IL1RAPL2: variants seen among roughly 807,000 people sequenced by gnomAD.
The protein encoded by IL1RAPL2 is X-linked interleukin-1 receptor accessory protein-like 2.
A neutral mutation model predicts 44.1 loss-of-function variants in IL1RAPL2; 3 were observed. The observed-to-expected ratio is 0.07, with a 90% CI of 0.03 to 0.18. The LOEUF (loss-of-function observed/expected upper bound fraction) is 0.18. Ranked by LOEUF, IL1RAPL2 falls within the 10% of genes least tolerant of loss-of-function variation. IL1RAPL2 has a pLI of 1.00. For missense variants in IL1RAPL2, 391 were observed against 496.4 expected (o/e 0.79, Z 2.02); for synonymous variants, 181 against 178.8 (o/e 1.01, Z -0.10).
chrX:105,734,939 G>C (rs932242177), intron 7 of IL1RAPL2, among the ~76,000 whole-genome samples: 4 of 111,285 alleles, frequency 3.6e-5, no homozygotes, highest in African/African-American at 9.8e-5. Context: ...CATTATAAGT[G>C]TTTGTGGTGG....
chrX:105,376,086 G>T (rs1017950984), intron 5 of IL1RAPL2, among the ~76,000 whole-genome samples: 77 of 111,849 alleles, frequency 6.9e-4, no homozygotes, highest in African/African-American at 2.4e-3. Context: ...GGGCAACGAA[G>T]ATTAGATGAT....
At chrX:104,728,146 A>G (rs1184430855) in intron 2 of IL1RAPL2, among the ~76,000 whole-genome samples, 2 of 111,643 alleles carry the variant, frequency 1.8e-5, no homozygotes, top group African/African-American at 6.5e-5. Flanking sequence ...AGAAAGGAAT[A>G]TTATCTTCAA....
intron 5 of IL1RAPL2, among the ~76,000 whole-genome samples, chrX:105,384,881 C>T (rs1334093092): frequency 9.0e-6 from 1 of 110,775 alleles, no homozygotes. Context: ...AATAGGATTG[C>T]TTCCTTGGTT....
chrX:105,509,327 C>A (rs2036453669), intron 6 of IL1RAPL2, among the ~76,000 whole-genome samples: 1 of 111,308 alleles, frequency 9.0e-6, no homozygotes, highest in East Asian at 2.9e-4. Flanking sequence ...TTGGAAAAAG[C>A]TTGAGGAACT....
intron 2 of IL1RAPL2, among the ~76,000 whole-genome samples, chrX:105,048,995 A>G (rs931238749): frequency 9.0e-6 from 1 of 111,372 alleles, no homozygotes; most frequent in Non-Finnish European, 1.9e-5. Flanking sequence ...ATGAAAACAA[A>G]CATTTCTTCT....
intron 2 of IL1RAPL2, among the ~76,000 whole-genome samples, chrX:104,770,089 C>T (rs1171426096): frequency 9.1e-6 from 1 of 110,334 alleles, no homozygotes; most frequent in Non-Finnish European, 1.9e-5. Context: ...TACCTTGAAG[C>T]AAAAAAGGTG....
chrX:105,370,829 C>A (rs1265858694), intron 5 of IL1RAPL2, among the ~76,000 whole-genome samples: 3 of 112,189 alleles, frequency 2.7e-5, no homozygotes, highest in Non-Finnish European at 5.6e-5. Context: ...CTGAACATGG[C>A]TTTCCACGTG....
At chrX:105,685,579 G>C (rs1162472078) in intron 6 of IL1RAPL2, among the ~76,000 whole-genome samples, 1 of 111,821 alleles carries the variant, frequency 8.9e-6, no homozygotes, top group Non-Finnish European at 1.9e-5. Flanking sequence ...CATTTGATTG[G>C]TGTACCTGAA....
chrX:104,905,079 T>C (rs1175341761), intron 2 of IL1RAPL2, among the ~76,000 whole-genome samples: 8 of 111,537 alleles, frequency 7.2e-5, no homozygotes, highest in African/African-American at 1.9e-4. Flanking sequence ...TTTCATGTGT[T>C]TTTTGGCTGC....
chrX:104,840,011 G>C (rs62602913), intron 2 of IL1RAPL2, among the ~76,000 whole-genome samples: 47,595 of 109,976 alleles, frequency 0.43, 7,439 homozygotes, highest in East Asian at 0.46. Context: ...TTTCTAACAA[G>C]CAGCTCCTGG....
intron 5 of IL1RAPL2, among the ~76,000 whole-genome samples, chrX:105,332,750 AAGT>A (rs1377015990): frequency 1.8e-5 from 2 of 111,985 alleles, no homozygotes; most frequent in Non-Finnish European, 3.8e-5. Context: ...AAATTTTAAA[AAGT>A]AGTAGTCCAA....
intron 6 of IL1RAPL2, among the ~76,000 whole-genome samples, chrX:105,632,564 T>C (rs2037498530): frequency 8.9e-6 from 1 of 111,740 alleles, no homozygotes; most frequent in Non-Finnish European, 1.9e-5. Context: ...CAGCAATCAC[T>C]CTTCTCTTTT....
intron 2 of IL1RAPL2, among the ~76,000 whole-genome samples, chrX:104,828,945 A>T (rs1921537468): frequency 8.9e-6 from 1 of 111,887 alleles, no homozygotes; most frequent in African/African-American, 3.2e-5. Context: ...AGAACGGCCT[A>T]CTCAAGTCTC....
rs186246623 is a variant in IL1RAPL2, at chrX:105,245,255, T to C, written c.543+11251T>C. Among the ~76,000 whole-genome samples, 154 of 112,142 alleles carry C rather than the reference T, an allele frequency of 1.4e-3. 1 individual carries two copies. The highest frequency in any genetic ancestry group is 4.7e-3 in the African/African-American group (145 of 30,894). On this transcript the variant is annotated intron_variant, in intron 4 of 10. Coordinates refer to ENST00000372582, the MANE Select transcript of IL1RAPL2 (RefSeq NM_017416.2). Reference sequence around the variant, plus strand: ...TCTGTGTTTTACTTAATTAACTAATTATATTGTATCACTCTCATAGTCCGT... The same window carrying C: ...TCTGTGTTTTACTTAATTAACTAATCATATTGTATCACTCTCATAGTCCGT...
At chrX:105,567,078 A>C (rs2147809056) in intron 6 of IL1RAPL2, among the ~76,000 whole-genome samples, 1 of 111,428 alleles carries the variant, frequency 9.0e-6, no homozygotes, top group African/African-American at 3.3e-5. Context: ...GAAGGAAAAA[A>C]ATTCTTATTT....
At chrX:105,527,438 G>T (rs2036602446) in intron 6 of IL1RAPL2, among the ~76,000 whole-genome samples, 1 of 71,780 alleles carries the variant, frequency 1.4e-5, no homozygotes, top group Admixed American at 1.3e-4. Context: ...AGAGTGTGTT[G>T]TGTGTGTGTG....
chrX:104,582,822 C>CTTTCTCTTTCTTTCTTTATTTCTT (rs748809592), intron 1 of IL1RAPL2, among the ~76,000 whole-genome samples: 1 of 40,663 alleles, frequency 2.5e-5, no homozygotes, highest in African/African-American at 1.1e-4. Context: ...TCCTTTCTTT[C>CTTTCTCTTTCTTTCTTTATTTCTT]TCTTTCTTTC....
At chrX:105,569,775 TC>T (rs979787005) in intron 6 of IL1RAPL2, among the ~76,000 whole-genome samples, 1 of 111,703 alleles carries the variant, frequency 9.0e-6, no homozygotes, top group Non-Finnish European at 1.9e-5. Context: ...ATACACTCTT[TC>T]TATGGGAACA....
At chrX:104,858,424 C>A (rs1354186849) in intron 2 of IL1RAPL2, among the ~76,000 whole-genome samples, 1 of 111,416 alleles carries the variant, frequency 9.0e-6, no homozygotes, top group Non-Finnish European at 1.9e-5. Context: ...TAATTCAGAC[C>A]CAAATGTTAA....
Sources: allele counts gnomAD v4.1 joint callset (sites outside exome capture counted in the v4.1 genomes callset), GRCh38; gene constraint gnomAD v4.1.1; transcripts MANE v1.5; gene names NCBI Gene and HGNC (gene_info 2026-07-23, HGNC 2026-07-21).